Variants in DNAAF9 observed in about 807,000 individuals in gnomAD.
DNAAF9 encodes the protein dynein axonemal assembly factor 9.
Under a neutral mutation model 167.0 loss-of-function variants are expected in DNAAF9, and 90 were observed. That is an observed-to-expected ratio of 0.54 (90% CI 0.45 to 0.64). The LOEUF (loss-of-function observed/expected upper bound fraction) is 0.64, where lower values mean the gene tolerates loss of function less well. Among genes scored for constraint, DNAAF9 ranks in the 30% least tolerant of loss-of-function variants. The pLI, the probability that DNAAF9 is intolerant of heterozygous loss-of-function variation, is 0.00. For missense variants in DNAAF9, 1,315 were observed against 1,442.2 expected, an observed-to-expected ratio of 0.91 and a Z score of 1.43; for synonymous variants, 491 against 508.8, an observed-to-expected ratio of 0.96 and a Z score of 0.47.
At chr20:3,294,419 T>C (rs949156755) in intron 24 of DNAAF9, 109 bp downstream of exon 24, 1 of 821,238 alleles carries the variant, frequency 1.2e-6, no homozygotes, top group Non-Finnish European at 2.0e-6. Flanking sequence ...CATTTTACAG[T>C]GATCTCTAAG....
At chr20:3,264,359 CTCTT>C (rs1261737052) in intron 31 of DNAAF9, 75 bp downstream of exon 31, 9 of 729,808 alleles carry the variant, frequency 1.2e-5, no homozygotes, top group South Asian at 4.8e-5. Context: ...TTCACCTTCT[CTCTT>C]TTTTTTTTTC....
rs41281878 is a variant in DNAAF9 at position 3,252,513 on chromosome 20, C to T, written c.*59G>A. On this transcript the variant is annotated 3_prime_UTR_variant, in exon 37 of 37. Coordinates refer to ENST00000252032, the MANE Select transcript of DNAAF9 (RefSeq NM_001009984.3). ...GCCTCCAGCAGAGCTGAGGTTAAGA[C>T]ACCCGTTCGTCCATCTCCAAGGTGG... The T allele has an allele frequency of 4.5e-3, 4,147 of 920,860 alleles. 12 individuals are homozygous for T. The highest frequency in any genetic ancestry group is 0.014 in the Middle Eastern group (59 of 4,260). The allele number at this position is 920,860 out of a possible 1,614,324, so 57.0% of individuals were successfully genotyped here.
At chr20:3,399,760 G>C (rs1181746090) in intron 1 of DNAAF9, among the ~76,000 whole-genome samples, 2 of 151,898 alleles carry the variant, frequency 1.3e-5, no homozygotes, top group Non-Finnish European at 2.9e-5. Flanking sequence ...GAAACCACCT[G>C]CTAAAAGACA....
chr20:3,336,778 C>T (rs1226757909), intron 10 of DNAAF9, among the ~76,000 whole-genome samples: 2 of 151,710 alleles, frequency 1.3e-5, no homozygotes, highest in Non-Finnish European at 2.9e-5. Flanking sequence ...TCTTGAACTC[C>T]TGACCTCAGG....
chr20:3,286,926 G>A (rs189481026), intron 27 of DNAAF9, among the ~76,000 whole-genome samples: 316 of 152,290 alleles, frequency 2.1e-3, no homozygotes, highest in African/African-American at 6.8e-3. Context: ...TCCTGACTGC[G>A]CATTCCCCTC....
intron 12 of DNAAF9, among the ~76,000 whole-genome samples, chr20:3,328,782 C>T (rs984042012): frequency 2.0e-5 from 3 of 151,810 alleles, no homozygotes; most frequent in Admixed American, 2.0e-4. Context: ...ACTATGATTA[C>T]AGCTTAATAC....
At chr20:3,333,382 G>C (rs1483829663) in intron 10 of DNAAF9, among the ~76,000 whole-genome samples, 1 of 152,150 alleles carries the variant, frequency 6.6e-6, no homozygotes. Flanking sequence ...AGGAACATTA[G>C]TAAGTACAAT....
rs1038451730 is a variant in DNAAF9 at position 3,287,533 on chromosome 20, G to C, written c.2486+99C>G. 7.1e-6 allele frequency: 8 copies of C among 1,124,962 alleles called. No homozygotes were observed. The African/African-American group carries it at 9.2e-5, about 13-fold the overall frequency. The allele number at this position is 1,124,962 out of a possible 1,614,324, so 69.7% of individuals were successfully genotyped here. On this transcript the variant is annotated intron_variant, in intron 27 of 36. Coordinates refer to ENST00000252032, the MANE Select transcript of DNAAF9 (RefSeq NM_001009984.3). ...AGCGCAGACACTGCTCATGCATGTA[G>C]AGTCTGTTCTGTGCTCCAGGTTTGT...
intron 7 of DNAAF9, among the ~76,000 whole-genome samples, chr20:3,351,275 C>T (rs1182382091): frequency 6.6e-6 from 1 of 152,038 alleles, no homozygotes; most frequent in African/African-American, 2.4e-5. Flanking sequence ...GGCCTTAGCA[C>T]CTTACTAAGA....
chr20:3,361,223 T>C (rs1019137876), intron 6 of DNAAF9, among the ~76,000 whole-genome samples: 4 of 151,998 alleles, frequency 2.6e-5, no homozygotes, highest in African/African-American at 7.3e-5. Context: ...GGAGAGAAGA[T>C]ATGGGGAAAG....
chr20:3,324,512 C>G (rs529798302), intron 14 of DNAAF9, among the ~76,000 whole-genome samples: 3 of 152,230 alleles, frequency 2.0e-5, no homozygotes, highest in Middle Eastern at 3.4e-3. Context: ...ACAGATGAGG[C>G]CCAGTGCAAG....
rs2083374187 is a variant in DNAAF9, at chr20:3,362,267, C to T, written c.613-2674G>A. ...ACTCCTTTCTGGCTTTCTTCGAGTT[C>T]TTCCAACAGTTGGAAATTGCAAGGG... On this transcript the variant is annotated intron_variant, in intron 6 of 36. Transcript: ENST00000252032. 4 of 1,311,222 alleles carry T rather than the reference C, an allele frequency of 3.1e-6. No homozygotes were observed. In the South Asian group the frequency reaches 3.6e-5, roughly 12 times the overall value. The allele number at this position is 1,311,222 out of a possible 1,614,324, so 81.2% of individuals were successfully genotyped here.
At chr20:3,387,133 A>G (rs1199379969) in intron 1 of DNAAF9, among the ~76,000 whole-genome samples, 1 of 152,226 alleles carries the variant, frequency 6.6e-6, no homozygotes, top group Non-Finnish European at 1.5e-5. Context: ...AATCCCAATG[A>G]TGTTTTTTAC....
chr20:3,267,721 G>A (rs953151528), intron 30 of DNAAF9, among the ~76,000 whole-genome samples: 1 of 152,052 alleles, frequency 6.6e-6, no homozygotes, highest in Non-Finnish European at 1.5e-5. Context: ...TGTAATCCCA[G>A]CTACTAGGGA....
intron 35 of DNAAF9, among the ~76,000 whole-genome samples, chr20:3,254,835 C>A (rs2068251106): frequency 1.3e-5 from 2 of 152,214 alleles, no homozygotes; most frequent in South Asian, 4.1e-4. Flanking sequence ...CTTATCCTGG[C>A]CTCAGGTTCC....
chr20:3,264,969 C>T (rs1301172376), intron 30 of DNAAF9, among the ~76,000 whole-genome samples: 1 of 152,150 alleles, frequency 6.6e-6, no homozygotes, highest in East Asian at 1.9e-4. Context: ...ATTAGCTGTA[C>T]TCATCATGAT....
intron 7 of DNAAF9, among the ~76,000 whole-genome samples, chr20:3,354,569 C>T (rs1226342602): frequency 1.3e-5 from 2 of 152,160 alleles, no homozygotes; most frequent in South Asian, 2.1e-4. Flanking sequence ...CATTTGAGCA[C>T]CTTCTCTCAA....
At chr20:3,326,735 G>A (rs2069717943) in intron 12 of DNAAF9, among the ~76,000 whole-genome samples, 1 of 137,128 alleles carries the variant, frequency 7.3e-6, no homozygotes, top group Non-Finnish European at 1.6e-5. Flanking sequence ...GTGACAGAGT[G>A]GGACCCTGTC....
chr20:3,338,516 T>C (rs964098339), intron 10 of DNAAF9, among the ~76,000 whole-genome samples: 1 of 152,200 alleles, frequency 6.6e-6, no homozygotes, highest in East Asian at 1.9e-4. Context: ...TTTTGTGTCT[T>C]TGTCATGAAT....
Sources: allele counts gnomAD v4.1 joint callset (sites outside exome capture counted in the v4.1 genomes callset), GRCh38; gene constraint gnomAD v4.1.1; transcripts MANE v1.5; gene names NCBI Gene and HGNC (gene_info 2026-07-23, HGNC 2026-07-21).